The following CEP164 variants were observed in gnomAD, a reference collection of about 807,000 sequenced individuals.
CEP164 encodes the protein centrosomal protein 164.
In CEP164, 162 loss-of-function variants were observed where a neutral mutation model predicts 182.7. The observed-to-expected ratio is 0.89, with a 90% CI of 0.78 to 1.01. CEP164 has a LOEUF of 1.01. CEP164 is among the 50% of genes least tolerant of loss of function. The pLI, the probability that CEP164 is intolerant of heterozygous loss-of-function variation, is 0.00. For missense variants in CEP164, 1,735 were observed against 1,790.4 expected, an observed-to-expected ratio of 0.97 and a Z score of 0.56; for synonymous variants, 661 against 690.0, an observed-to-expected ratio of 0.96 and a Z score of 0.66.
intron 1 of CEP164, among the ~76,000 whole-genome samples, chr11:117,331,853 C>A: frequency 6.6e-6 from 1 of 151,210 alleles, no homozygotes; most frequent in East Asian, 1.9e-4. Flanking sequence ...CTCAAGTGAT[C>A]CTCCCACCTC....
Position 117,409,004 on chromosome 11 carries a change from CG to C in CEP164, c.3725del (p.Arg1242LeufsTer34). The C allele has an allele frequency of 6.2e-7, 1 of 1,614,000 alleles. No individual in the cohort carries two copies. The highest frequency in any genetic ancestry group is 8.5e-7 in the Non-Finnish European group (1 of 1,179,968). On this transcript the variant is annotated frameshift_variant, in exon 29 of 33. Coordinates refer to ENST00000278935, the MANE Select transcript of CEP164 (RefSeq NM_014956.5). LOFTEE classifies it high-confidence loss of function. This position sits in a 1 kb window ranked among gnomAD's most constrained non-coding sequence, Gnocchi z 4.4. ...TTCTGAATCTTTTTCCCCGCCTCAC[CG>C]TGAGTGGTGGCGGCAGCAGAGGAGT... ...ESSESFSPPH[R>X]EWWRQQRIDS...
chr11:117,332,297 A>G (rs1480795209), intron 1 of CEP164, among the ~76,000 whole-genome samples: 3 of 152,140 alleles, frequency 2.0e-5, no homozygotes. Flanking sequence ...AATATTGGCC[A>G]GGCACGGTGG....
chr11:117,363,064 C>T (rs1469100599), intron 7 of CEP164, among the ~76,000 whole-genome samples: 1 of 152,154 alleles, frequency 6.6e-6, no homozygotes, highest in Non-Finnish European at 1.5e-5. Context: ...ACTCATCTGT[C>T]GATGAATATA....
chr11:117,326,095 G>C (rs145665335), upstream of CEP164, among the ~76,000 whole-genome samples: 1 of 151,960 alleles, frequency 6.6e-6, no homozygotes, highest in African/African-American at 2.4e-5. Context: ...TTTTTTAGTA[G>C]AGATGGGGTT....
At chr11:117,400,149 A>T (rs2045968332) in intron 27 of CEP164, among the ~76,000 whole-genome samples, 1 of 152,126 alleles carries the variant, frequency 6.6e-6, no homozygotes, top group Non-Finnish European at 1.5e-5. Flanking sequence ...ATCCATCTCG[A>T]ATTAATTTTT....
intron 4 of CEP164, among the ~76,000 whole-genome samples, chr11:117,348,009 G>C (rs1332302467): frequency 6.6e-6 from 1 of 151,814 alleles, no homozygotes; most frequent in African/African-American, 2.4e-5. Context: ...TTGCTCTGTC[G>C]CCCAGGCTGG....
At chr11:117,398,231 C>T (rs187265194) in intron 27 of CEP164, among the ~76,000 whole-genome samples, 127 of 152,352 alleles carry the variant, frequency 8.3e-4, no homozygotes, top group African/African-American at 2.8e-3. Flanking sequence ...ATCCAGGTTA[C>T]GCTGATGCAA....
chr11:117,375,570 A>G (rs2042655458), intron 10 of CEP164, 138 bp from the exon 11 acceptor site: 2 of 666,824 alleles, frequency 3.0e-6, no homozygotes, highest in East Asian at 2.5e-5. Context: ...TGAAATTAGT[A>G]GATGTTGAAA....
At chr11:117,401,951 G>T (rs1403746076) in intron 27 of CEP164, among the ~76,000 whole-genome samples, 5 of 151,896 alleles carry the variant, frequency 3.3e-5, no homozygotes, top group Non-Finnish European at 5.9e-5. Flanking sequence ...TTTTTAAAGG[G>T]TTTTTTGTGT....
chr11:117,365,813 C>G (rs1258306247), intron 8 of CEP164, among the ~76,000 whole-genome samples: 1 of 152,174 alleles, frequency 6.6e-6, no homozygotes, highest in Non-Finnish European at 1.5e-5. Context: ...CTCCTGACCT[C>G]AGGTGATCTG....
chr11:117,391,413 A>G (rs554328826), intron 17 of CEP164, among the ~76,000 whole-genome samples, 198 bp downstream of exon 17: 14 of 152,190 alleles, frequency 9.2e-5, no homozygotes, highest in Non-Finnish European at 1.9e-4. Context: ...TATGGACCGA[A>G]TCGGCTCATG....
chr11:117,389,369 C>G (rs1378392407), intron 15 of CEP164, among the ~76,000 whole-genome samples: 1 of 152,150 alleles, frequency 6.6e-6, no homozygotes, highest in African/African-American at 2.4e-5. Context: ...ATAGATATCA[C>G]GGCTTGCTTA....
rs1179932970 is a variant in CEP164, at chr11:117,408,983, G to C, written c.3703G>C (p.Glu1235Gln). 2 of 1,613,972 alleles carry C rather than the reference G, an allele frequency of 1.2e-6. No individual in the cohort carries two copies. The highest frequency in any genetic ancestry group is 1.3e-5 in the African/African-American group (1 of 74,880). The change falls in exon 29 of 33, where the codon GAA becomes CAA. Residue 1235 changes from glutamate to glutamine, a missense_variant. By Grantham distance (29) the Glu-to-Gln change is conservative (BLOSUM62 2). Coordinates refer to ENST00000278935, the MANE Select transcript of CEP164 (RefSeq NM_014956.5). Reference sequence around the variant, plus strand: ...GGACAGCCTGAGCAGTGAAAGTTCTGAATCTTTTTCCCCGCCTCACCGTGA... The same window carrying C: ...GGACAGCCTGAGCAGTGAAAGTTCTCAATCTTTTTCCCCGCCTCACCGTGA... Reference protein sequence around the residue: ...DMDSLSSESSESFSPPHREWW... With the variant: ...DMDSLSSESSQSFSPPHREWW...
rs1208822923 is a variant in CEP164, at chr11:117,409,265, C to G, written c.3748+237C>G. On this transcript the variant is annotated intron_variant, in intron 29 of 32. Coordinates refer to ENST00000278935, the MANE Select transcript of CEP164 (RefSeq NM_014956.5). The surrounding 1 kb of genome is among the most constrained non-coding windows in gnomAD (Gnocchi z 4.4). ...GCTGCAGAGCACTCTACGGTGTGAC[C>G]ACTGGCCTTGCTGGCCTCTTCTCTT... The G allele has an allele frequency of 1.3e-5, 8 of 604,754 alleles. No homozygotes were observed. In the Admixed American group the frequency reaches 2.4e-4, roughly 18 times the overall value. The allele number at this position is 604,754 out of a possible 1,614,324, so 37.5% of individuals were successfully genotyped here.
intron 8 of CEP164, among the ~76,000 whole-genome samples, chr11:117,364,748 T>G (rs951302717): frequency 3.3e-5 from 5 of 152,150 alleles, no homozygotes; most frequent in African/African-American, 1.2e-4. Flanking sequence ...TCCACCTACC[T>G]TGGGCTCCCG....
chr11:117,409,774 C>CT lies in CEP164; in HGVS notation c.3906dup (p.Pro1303SerfsTer5). The CT allele has an allele frequency of 6.2e-7, 1 of 1,613,980 alleles. No homozygotes were observed. ...CTCGCCTCCATGCCAGCCCAGCTCC[C>CT]TCCCCGGGACCCTAAGAGCACCCCC... On this transcript the variant is annotated frameshift_variant, in exon 30 of 33. Transcript: ENST00000278935. LOFTEE classifies it high-confidence loss of function. This position sits in a 1 kb window ranked among gnomAD's most constrained non-coding sequence, Gnocchi z 4.4.
Position 117,391,229 on chromosome 11 carries a change from G to A in CEP164, c.2283+14G>A. ...GAGAGGAAAGAAGTGAGCTAGTCAA[G>A]TGGGGACCTCACCCTCTGACCTGTG... On this transcript the variant is annotated intron_variant, in intron 17 of 32. Coordinates refer to ENST00000278935, the MANE Select transcript of CEP164 (RefSeq NM_014956.5). The A allele has an allele frequency of 6.3e-7, 1 of 1,596,284 alleles. No homozygotes were observed. The highest frequency in any genetic ancestry group is 8.5e-7 in the Non-Finnish European group (1 of 1,172,090).
At chr11:117,386,706 C>CT (rs2043998653) in intron 14 of CEP164, 1 of 156,266 alleles carries the variant, frequency 6.4e-6, no homozygotes, top group African/African-American at 2.4e-5. Flanking sequence ...GCTGCTGCTT[C>CT]TTTCATGGGC....
intron 4 of CEP164, among the ~76,000 whole-genome samples, chr11:117,347,601 T>A (rs1178222661): frequency 1.3e-5 from 2 of 152,008 alleles, no homozygotes; most frequent in East Asian, 3.9e-4. Flanking sequence ...TCCCAGCTAC[T>A]CGGGAGGCTG....
Sources: allele counts gnomAD v4.1 joint callset (sites outside exome capture counted in the v4.1 genomes callset), GRCh38; gene constraint gnomAD v4.1.1; non-coding constraint Gnocchi (gnomAD v3.1); transcripts MANE v1.5; gene names NCBI Gene and HGNC (gene_info 2026-07-23, HGNC 2026-07-21).